Variants in PLXNB2 observed in about 807,000 individuals in gnomAD.
PLXNB2 encodes the protein plexin-B2.
PLXNB2 carries 85 observed loss-of-function variants against 202.6 expected under a neutral mutation model. The ratio of observed to expected loss-of-function variants is 0.42; its 90% CI spans 0.35 to 0.50. The LOEUF is 0.50. Ranked by LOEUF, PLXNB2 falls within the 20% of genes least tolerant of loss-of-function variation. PLXNB2 has a pLI of 0.02. For synonymous variants in PLXNB2, 1,239 were observed against 1,137.6 expected, an observed-to-expected ratio of 1.09 and a Z score of -1.79; for missense variants, 2,063 against 2,586.2, an observed-to-expected ratio of 0.80 and a Z score of 4.39.
intron 1 of PLXNB2, among the ~76,000 whole-genome samples, chr22:50,300,548 C>T (rs995678384): frequency 1.3e-5 from 2 of 152,084 alleles, no homozygotes; most frequent in Non-Finnish European, 2.9e-5. Context: ...GGAGCTGGGG[C>T]GGGGCGGGGC....
Position 50,290,100 on chromosome 22 carries a change from G to A in PLXNB2, c.485C>T (p.Pro162Leu). Reference protein sequence around the residue: ...ATVGLVSSTGPGGDRVLFVGK... With the variant: ...ATVGLVSSTGLGGDRVLFVGK... ...CACAAACAGCACGCGGTCACCACCA[G>A]GACCCGTGGAGCTCACCAGCCCCAC... Residue 162 changes from proline (P) to leucine (L), a missense_variant, in exon 3 of 37, where the codon CCT becomes CTT. Physicochemically the swap from Pro to Leu is moderately conservative, Grantham distance 98. Around this residue, in one of 2 missense-constraint regions of PLXNB2, gnomAD observed 1,303 missense variants for 1,476.8 expected, o/e 0.88. Coordinates refer to ENST00000359337, the MANE Select transcript of PLXNB2 (RefSeq NM_012401.4). The A allele has an allele frequency of 6.2e-7, 1 of 1,613,174 alleles. No individual in the cohort carries two copies. Among genetic ancestry groups the A allele is most frequent in the Non-Finnish European group, 8.5e-7 (1 of 1,180,014 alleles).
Position 50,283,171 on chromosome 22 carries a change from T to C in PLXNB2, c.2695A>G (p.Ser899Gly). 6.3e-7 allele frequency: 1 copy of C among 1,599,800 alleles called. No individual in the cohort carries two copies. The highest frequency in any genetic ancestry group is 1.1e-5 in the South Asian group (1 of 89,646). ...QFTFQQPKPLSVEPQQGPQAG... is the reference protein window; with the variant it reads ...QFTFQQPKPLGVEPQQGPQAG... ...TGCGGTCCCTGCTGCGGCTCCACAC[T>C]GAGAGGCTTGGGCTGCTGAAAGAGC... Residue 899 changes from serine to glycine, a missense_variant, in exon 17 of 37, where the codon AGT becomes GGT. Ser to Gly is a moderately conservative substitution (Grantham distance 56, BLOSUM62 0). Transcript: ENST00000359337.
chr22:50,278,834 C>T lies in PLXNB2; in HGVS notation c.4546+21G>A, dbSNP rs200575888. The T allele has an allele frequency of 7.2e-4, 1,152 of 1,604,180 alleles. 6 individuals are homozygous for T. Among genetic ancestry groups the T allele is most frequent in the Middle Eastern group, 1.8e-3 (11 of 5,994 alleles). ...AGGCACATGGGCGCCTGTGTGCAGA[C>T]GGGCAGGGGCCGGCACTCACCCAGG... On this transcript the variant is annotated intron_variant, in intron 28 of 36. Coordinates refer to ENST00000359337, the MANE Select transcript of PLXNB2 (RefSeq NM_012401.4).
intron 1 of PLXNB2, among the ~76,000 whole-genome samples, chr22:50,303,449 C>T (rs1201914949): frequency 1.3e-5 from 2 of 152,128 alleles, no homozygotes; most frequent in Admixed American, 6.5e-5. Flanking sequence ...CATGCTGGCT[C>T]GGGGGCCCCA....
chr22:50,276,778 G>A (rs2065630513), intron 34 of PLXNB2, 64 bp downstream of exon 34: 4 of 1,595,878 alleles, frequency 2.5e-6, no homozygotes, highest in Admixed American at 3.3e-5. Context: ...ACCAAGGCCT[G>A]AACCTCCCCG....
chr22:50,306,728 CTCA>C (rs1601791102), intron 1 of PLXNB2, among the ~76,000 whole-genome samples: 1 of 151,266 alleles, frequency 6.6e-6, no homozygotes, highest in East Asian at 1.9e-4. Context: ...CACCCTCACC[CTCA>C]CCCCCTGTCC....
chr22:50,283,848 C>T lies in PLXNB2; in HGVS notation c.2406G>A (p.Pro802=), dbSNP rs77569471. Residue 802 remains proline, a synonymous_variant, in exon 14 of 37, where the codon CCG becomes CCA. Coordinates refer to ENST00000359337, the MANE Select transcript of PLXNB2 (RefSeq NM_012401.4). ...AGGGGCTCACCCTGGTGATGACGGGCGGCGGGCACTCGGAGGTGGTGTTGC... is the reference window on the plus strand; with the variant it reads ...AGGGGCTCACCCTGGTGATGACGGGTGGCGGGCACTCGGAGGTGGTGTTGC... ...ALCNTTSECP[P]PVITRIQPET... is the part of the protein sequence containing the mutation. 4,849 of 1,609,546 alleles carry T rather than the reference C, an allele frequency of 3.0e-3. 143 individuals carry two copies. In the African/African-American group the frequency reaches 0.058, roughly 19 times the overall value.
chr22:50,306,095 G>A (rs1167922811), intron 1 of PLXNB2, among the ~76,000 whole-genome samples: 20 of 152,238 alleles, frequency 1.3e-4, no homozygotes, highest in Admixed American at 1.3e-3. Flanking sequence ...ACTGGACACG[G>A]CTGGATGATC....
chr22:50,281,204 G>T lies in PLXNB2; in HGVS notation c.3663-15C>A. The stretch of plus-strand genomic sequence containing the variant: ...GGCTCTTCCTCCTGCAAGGCACAGC[G>T]GGCCTCCTAGGTTCTGCCGGGGCTG... On this transcript the variant is annotated splice_polypyrimidine_tract_variant and intron_variant, in intron 22 of 36. Coordinates refer to ENST00000359337, the MANE Select transcript of PLXNB2 (RefSeq NM_012401.4). 2 of 1,603,124 alleles carry T rather than the reference G, an allele frequency of 1.2e-6. No individual in the cohort carries two copies. Among genetic ancestry groups the T allele is most frequent in the African/African-American group, 1.3e-5 (1 of 74,844 alleles).
rs1440855395 is a variant in PLXNB2 at position 50,307,614 on chromosome 22, C to G, written c.-135G>C. 67 of 981,876 alleles carry G rather than the reference C, an allele frequency of 6.8e-5. No homozygotes were observed. Among genetic ancestry groups the G allele is most frequent in the East Asian group, 3.5e-4 (3 of 8,586 alleles). 60.8% of individuals were successfully genotyped at this position (981,876 alleles called of 1,614,324 possible). On this transcript the variant is annotated 5_prime_UTR_variant, in exon 1 of 37. Transcript: ENST00000359337. ...CCGCGCTCGGCGCTGCGCTCTGGCC[C>G]GCGCTGCTGCCATGGAGACGGGGCC...
In PLXNB2 at chr22:50,282,086, A is replaced by T; in HGVS notation, c.3118-5T>A. On this transcript the variant is annotated splice_region_variant and splice_polypyrimidine_tract_variant and intron_variant, in intron 19 of 36. Coordinates refer to ENST00000359337, the MANE Select transcript of PLXNB2 (RefSeq NM_012401.4). ...CACGTAGTCTGTACCCACCACCTGC[A>T]GGCAAGTCCCAGCTGTCAGCCCCCG... The T allele has an allele frequency of 6.2e-7, 1 of 1,609,436 alleles. No individual in the cohort carries two copies. The highest frequency in any genetic ancestry group is 1.1e-5 in the South Asian group (1 of 90,976).
At chr22:50,287,312 A>G in intron 7 of PLXNB2, 48 bp from the exon 8 acceptor site, 2 of 1,451,772 alleles carry the variant, frequency 1.4e-6, no homozygotes, top group Non-Finnish European at 1.8e-6. Context: ...GAGTCCTGTC[A>G]GCCCACCTGC....
Position 50,297,120 on chromosome 22 carries a change from C to T in PLXNB2, c.-73-2342G>A, listed in dbSNP as rs956412137. Among the ~76,000 whole-genome samples, 4 of 152,184 alleles carry T rather than the reference C, an allele frequency of 2.6e-5. No individual in the cohort carries two copies. Among genetic ancestry groups the T allele is most frequent in the Non-Finnish European group, 5.9e-5 (4 of 68,028 alleles). ...CGGGTCTCCTGAGAAAGCTGGGACC[C>T]GCGGGGACTGGAGACTGCAGCTCCC... is the stretch of plus-strand genomic sequence containing the variant. On this transcript the variant is annotated intron_variant, in intron 1 of 36. Transcript: ENST00000359337. This position sits in a 1 kb window ranked among gnomAD's most constrained non-coding sequence, Gnocchi z 5.3.
chr22:50,301,738 C>G (rs891828186), intron 1 of PLXNB2, among the ~76,000 whole-genome samples: 1 of 152,234 alleles, frequency 6.6e-6, no homozygotes, highest in African/African-American at 2.4e-5. Flanking sequence ...GGGGGGTGGA[C>G]GGGTGAGGCC....
chr22:50,283,962 G>A lies in PLXNB2; in HGVS notation c.2292C>T (p.Arg764=), dbSNP rs1378207964. 7 of 1,551,040 alleles carry A rather than the reference G, an allele frequency of 4.5e-6. No individual in the cohort carries two copies. Among genetic ancestry groups the A allele is most frequent in the Non-Finnish European group, 6.1e-6 (7 of 1,150,944 alleles). ...HVTLYNCSFG[R]SDCSLCRAAN... ...CGGCCCGGCACAGGCTGCAGTCGCT[G>A]CGGCCAAAGGAGCAGTTGTAGAGGG... The change falls in exon 14 of 37, where the codon CGC becomes CGT. Residue 764 remains arginine, a synonymous_variant. Transcript: ENST00000359337.
At position 50,291,405 on chromosome 22, in the gene PLXNB2, T is replaced by C. The variant is rs1229872857; in HGVS notation, c.-13-808A>G. ...GCAGCCTGGACAGGCTGTGTCCACA[T>C]GCGTGTGTGTAACTGAGCACGTCTC... On this transcript the variant is annotated intron_variant, in intron 2 of 36. Transcript: ENST00000359337. This position sits in a 1 kb window ranked among gnomAD's most constrained non-coding sequence, Gnocchi z 4.3. 6.6e-6 allele frequency among the ~76,000 whole-genome samples: 1 copy of C among 151,628 alleles called. No individual in the cohort carries two copies. The highest frequency in any genetic ancestry group is 1.5e-5 in the Non-Finnish European group (1 of 67,922).
At position 50,286,303 on chromosome 22, in the gene PLXNB2, G is replaced by C. The variant is rs372162162; in HGVS notation, c.1763-16C>G. 4 of 1,591,724 alleles carry C rather than the reference G, an allele frequency of 2.5e-6. No individual in the cohort carries two copies. The highest frequency in any genetic ancestry group is 1.7e-5 in the Admixed American group (1 of 59,978). ...GCCACGTGGTCTGCAGACAGCAGAG[G>C]GGGAGGTGTCAAGGTGGCGGCCGCA... On this transcript the variant is annotated splice_polypyrimidine_tract_variant and intron_variant, in intron 8 of 36. Transcript: ENST00000359337.
chr22:50,287,203 A>T lies in PLXNB2; in HGVS notation c.1670T>A (p.Phe557Tyr), dbSNP rs781287988. 6.5e-7 allele frequency: 1 copy of T among 1,550,012 alleles called. No homozygotes were observed. The highest frequency in any genetic ancestry group is 1.4e-5 in the African/African-American group (1 of 73,066). The change falls in exon 8 of 37, where the codon TTT becomes TAT. Residue 557 changes from phenylalanine (F) to tyrosine (Y), a missense_variant. Around this residue, in one of 2 missense-constraint regions of PLXNB2, gnomAD observed 1,303 missense variants for 1,476.8 expected, o/e 0.88. Coordinates refer to ENST00000359337, the MANE Select transcript of PLXNB2 (RefSeq NM_012401.4). Reference sequence around the variant, plus strand: ...GGCGGGGTGTGGCGGCGACTCCCCAAAAAGGCACAGCAACTCGTCCTCCTC... The same window carrying T: ...GGCGGGGTGTGGCGGCGACTCCCCATAAAGGCACAGCAACTCGTCCTCCTC... ...LSEEDELLCL[F>Y]GESPPHPARV... is the part of the protein sequence containing the mutation.
At position 50,282,242 on chromosome 22, in the gene PLXNB2, G is replaced by C. The variant is rs374289741; in HGVS notation, c.3059C>G (p.Ala1020Gly). Residue 1020 changes from alanine (A) to glycine (G), a missense_variant, in exon 19 of 37, where the codon GCG becomes GGG. This residue lies in a region of PLXNB2 where 1,303 missense variants were observed against 1,476.8 expected (regional missense o/e 0.88). Coordinates refer to ENST00000359337, the MANE Select transcript of PLXNB2 (RefSeq NM_012401.4). ...CGGCTGCCAGGACTGCAGGGGCTCC[G>C]CGATGACCACCATGGCAAACCTCTG... is the stretch of plus-strand genomic sequence containing the variant. ...LIQRFAMVVIAEPLQSWQPPR... is the reference protein window; with the variant it reads ...LIQRFAMVVIGEPLQSWQPPR... The C allele has an allele frequency of 6.2e-7, 1 of 1,612,372 alleles. No individual in the cohort carries two copies. The highest frequency in any genetic ancestry group is 8.5e-7 in the Non-Finnish European group (1 of 1,179,838).
Sources: gnomAD v4.1 joint callset for allele counts (sites outside exome capture counted in the v4.1 genomes callset) on GRCh38, gnomAD v4.1.1 for gene constraint, gnomAD v4.1.1 regional missense constraint, Gnocchi (gnomAD v3.1) non-coding constraint, MANE v1.5 for transcripts, NCBI Gene and HGNC (gene_info 2026-07-23, HGNC 2026-07-21) for gene names.